The following CELF1 variants were observed in gnomAD, a reference collection of about 807,000 sequenced individuals.
CELF1 encodes 50 kDa nuclear polyadenylated RNA-binding protein.
Under a neutral mutation model 61.8 loss-of-function variants are expected in CELF1, and 10 were observed. The observed-to-expected ratio is 0.16, with a 90% CI of 0.10 to 0.27. The LOEUF (loss-of-function observed/expected upper bound fraction) is 0.27. Ranked by LOEUF, CELF1 falls within the 10% of genes least tolerant of loss-of-function variation. The pLI is 1.00. For synonymous variants in CELF1, 236 were observed against 225.1 expected, an observed-to-expected ratio of 1.05 and a Z score of -0.43; for missense variants, 380 against 639.1, an observed-to-expected ratio of 0.59 and a Z score of 4.37.
At chr11:47,482,497 T>A (rs1366949202) in intron 9 of CELF1, 198 bp downstream of exon 9, 1 of 397,094 alleles carries the variant, frequency 2.5e-6, no homozygotes, top group Non-Finnish European at 4.4e-6. Context: ...TAACCAGAGA[T>A]GCATGTCCAG....
intron 3 of CELF1, among the ~76,000 whole-genome samples, chr11:47,496,987 T>C (rs1369169707): frequency 6.6e-6 from 1 of 152,162 alleles, no homozygotes; most frequent in Non-Finnish European, 1.5e-5. Flanking sequence ...GGCTCTTGCA[T>C]AAACTAGTAC....
intron 1 of CELF1, among the ~76,000 whole-genome samples, chr11:47,521,106 G>C (rs571338430): frequency 1.3e-5 from 2 of 152,108 alleles, no homozygotes; most frequent in East Asian, 3.9e-4. Context: ...AAAAAAATTA[G>C]CCGGGCATAG....
chr11:47,474,673 T>A (rs2079207189), intron 13 of CELF1, among the ~76,000 whole-genome samples: 1 of 152,222 alleles, frequency 6.6e-6, no homozygotes, highest in Admixed American at 6.5e-5. Flanking sequence ...AGGACACTCA[T>A]CTTTTTCCTA....
intron 2 of CELF1, among the ~76,000 whole-genome samples, chr11:47,562,628 T>G (rs2097229973): frequency 6.6e-6 from 1 of 151,558 alleles, no homozygotes; most frequent in African/African-American, 2.4e-5. Flanking sequence ...GGTTCAGACC[T>G]GTAATCCCAG....
rs989052209 is a variant in CELF1, at chr11:47,466,417, ATT to A, written c.*5811_*5812del. 1 of 151,588 alleles carries A rather than the reference ATT, an allele frequency of 6.6e-6. No individual in the cohort carries two copies. The highest frequency in any genetic ancestry group is 1.5e-5 in the Non-Finnish European group (1 of 67,904). 9.4% of individuals were successfully genotyped at this position (151,588 alleles called of 1,614,324 possible). A position where few individuals can be genotyped will look rare whatever the true frequency, so the allele number is the denominator to read the frequency against. On this transcript the variant is annotated 3_prime_UTR_variant, in exon 15 of 15. Transcript: ENST00000687097. ...GACTGTGCGTTTGGTCATAGTGGCA[ATT>A]TTTTTTTCTCTTCACATTGTGAAAT...
At chr11:47,552,646 G>A (rs1040743129) in intron 1 of CELF1, among the ~76,000 whole-genome samples, 3 of 152,246 alleles carry the variant, frequency 2.0e-5, no homozygotes, top group South Asian at 2.1e-4. Flanking sequence ...CAGCCAGAAA[G>A]ACGAGGAAAA....
At chr11:47,558,937 G>A (rs887804895) in intron 2 of CELF1, among the ~76,000 whole-genome samples, 46 of 132,416 alleles carry the variant, frequency 3.5e-4, no homozygotes, top group Admixed American at 6.0e-4. Flanking sequence ...TATATAATGC[G>A]GTATGTAATA....
At chr11:47,473,896 ATTTTCTTTTT>A (rs1460735904) in intron 13 of CELF1, among the ~76,000 whole-genome samples, 1 of 141,220 alleles carries the variant, frequency 7.1e-6, no homozygotes, top group Non-Finnish European at 1.5e-5. Context: ...ACACTCAATG[ATTTTCTTTTT>A]TTTTCTTTCT....
At chr11:47,472,439 G>T in intron 14 of CELF1, 82 bp from the exon 15 acceptor site, 1 of 1,466,688 alleles carries the variant, frequency 6.8e-7, no homozygotes, top group Non-Finnish European at 9.4e-7. Context: ...GATACCTTAT[G>T]TGCTTCATCT....
intron 2 of CELF1, among the ~76,000 whole-genome samples, chr11:47,564,171 CAAAAAA>C (rs779009192): frequency 1.1e-4 from 7 of 62,914 alleles, no homozygotes; most frequent in Admixed American, 4.1e-4. Flanking sequence ...ACTAAAAATA[CAAAAAA>C]AAAAAAAAAA....
In CELF1 at chr11:47,505,889, C is replaced by T. The variant is rs1239865171; in HGVS notation, c.-153-4957G>A. Among the ~76,000 whole-genome samples the T allele has an allele frequency of 2.7e-5, 4 of 146,924 alleles. 1 individual carries two copies. The highest frequency in any genetic ancestry group is 7.5e-5 in the African/African-American group (3 of 40,198). On this transcript the variant is annotated intron_variant, in intron 1 of 14. Coordinates refer to ENST00000687097, the MANE Select transcript of CELF1 (RefSeq NM_001376376.1). ...GGCAGAGGCTGCAGTGAGCTGAGAT[C>T]GTGCCACTGCACTCCAGCCTGGGTG...
chr11:47,519,867 A>G (rs1184683789), intron 1 of CELF1, among the ~76,000 whole-genome samples: 1 of 152,026 alleles, frequency 6.6e-6, no homozygotes, highest in East Asian at 1.9e-4. Flanking sequence ...CGTCTCAAAA[A>G]AAAAAAAAAG....
chr11:47,478,883 T>C lies in CELF1; in HGVS notation c.838A>G (p.Met280Val), dbSNP rs576464355. 18 of 1,611,862 alleles carry C rather than the reference T, an allele frequency of 1.1e-5. No homozygotes were observed. The South Asian group carries it at 1.5e-4, about 14-fold the overall frequency. ...GCAGCAGTGAAACACTTACCTCCCATTGGGTGGAGGCTGCTCAGGGTGTTG... is the reference window on the plus strand; with the variant it reads ...GCAGCAGTGAAACACTTACCTCCCACTGGGTGGAGGCTGCTCAGGGTGTTG... ...NLNTLSSLHP[M>V]GGLNAMQLQN... Residue 280 changes from methionine to valine, a missense_variant, in exon 10 of 15, where the codon ATG becomes GTG. Physicochemically the swap from Met to Val is conservative, Grantham distance 21 (BLOSUM62 1). Transcript: ENST00000687097.
At chr11:47,529,865 T>C (rs889801337) in intron 1 of CELF1, among the ~76,000 whole-genome samples, 1 of 151,392 alleles carries the variant, frequency 6.6e-6, no homozygotes, top group Admixed American at 6.6e-5. Context: ...CACCAGAGTA[T>C]GAAAGACTGG....
intron 7 of CELF1, 108 bp downstream of exon 7, chr11:47,484,281 C>T (rs1276698479): frequency 7.9e-6 from 10 of 1,268,578 alleles, no homozygotes; most frequent in Non-Finnish European, 1.1e-5. Context: ...CACCACTGCA[C>T]TCCAGCCTGG....
chr11:47,509,730 A>G (rs1412056160), intron 1 of CELF1, among the ~76,000 whole-genome samples: 4 of 152,252 alleles, frequency 2.6e-5, no homozygotes, highest in Middle Eastern at 3.4e-3. Context: ...GTCTCTACTA[A>G]AAATACAAAC....
intron 13 of CELF1, 22 bp downstream of exon 13, chr11:47,475,314 C>T: frequency 1.2e-6 from 2 of 1,611,632 alleles, no homozygotes; most frequent in Non-Finnish European, 1.7e-6. Flanking sequence ...CATACCTGAC[C>T]CCGATCTCCC....
chr11:47,559,748 T>C (rs547466521), intron 2 of CELF1, among the ~76,000 whole-genome samples: 1 of 152,320 alleles, frequency 6.6e-6, no homozygotes, highest in African/African-American at 2.4e-5. Flanking sequence ...ATGCCTGTAA[T>C]CCTAGCACTT....
chr11:47,502,245 C>A (rs138945751), intron 1 of CELF1, among the ~76,000 whole-genome samples: 1 of 152,100 alleles, frequency 6.6e-6, no homozygotes, highest in Non-Finnish European at 1.5e-5. Flanking sequence ...AAAGCAACAC[C>A]GCTTTAAAAA....
Sources: gnomAD v4.1 joint callset for allele counts (sites outside exome capture counted in the v4.1 genomes callset) on GRCh38, gnomAD v4.1.1 for gene constraint, MANE v1.5 for transcripts, NCBI Gene and HGNC (gene_info 2026-07-23, HGNC 2026-07-21) for gene names.